Variants in ALCAM observed in about 807,000 individuals in gnomAD.
The protein encoded by ALCAM is CD166 antigen.
A neutral mutation model predicts 70.9 loss-of-function variants in ALCAM; 30 were observed. That is an observed-to-expected ratio of 0.42 (90% CI 0.32 to 0.57). The LOEUF (loss-of-function observed/expected upper bound fraction) is 0.57. Ranked by LOEUF, ALCAM falls within the 20% of genes least tolerant of loss-of-function variation. The probability of loss-of-function intolerance (pLI) is 0.11; values close to 1 mark genes in which losing one functional copy is unlikely to be tolerated. For missense variants in ALCAM, 591 were observed against 695.1 expected (o/e 0.85, Z 1.68); for synonymous variants, 249 against 242.5 (o/e 1.03, Z -0.25).
chr3:105,512,126 CT>C (rs1181040579), intron 1 of ALCAM, among the ~76,000 whole-genome samples: 4 of 151,992 alleles, frequency 2.6e-5, no homozygotes, highest in Admixed American at 1.3e-4. Flanking sequence ...GCATTAGAAA[CT>C]TTTGGTTTTG....
At chr3:105,525,467 C>CA (rs1275046361) in intron 3 of ALCAM, 9 of 526,582 alleles carry the variant, frequency 1.7e-5, no homozygotes, top group Non-Finnish European at 1.9e-5. Flanking sequence ...TTCAGAATGC[C>CA]AGTCTTTCAG....
At chr3:105,416,557 A>G (rs1376700137) in intron 1 of ALCAM, among the ~76,000 whole-genome samples, 1 of 152,002 alleles carries the variant, frequency 6.6e-6, no homozygotes. Flanking sequence ...ATTATTATTG[A>G]TAATAGTAAC....
At chr3:105,421,674 A>T (rs984721528) in intron 1 of ALCAM, among the ~76,000 whole-genome samples, 1 of 151,482 alleles carries the variant, frequency 6.6e-6, no homozygotes, top group Non-Finnish European at 1.5e-5. Flanking sequence ...TTCAAAGTGG[A>T]TCTCTCAAGA....
chr3:105,560,596 G>T (rs1228951754), intron 14 of ALCAM, among the ~76,000 whole-genome samples: 2 of 152,082 alleles, frequency 1.3e-5, no homozygotes, highest in Non-Finnish European at 1.5e-5. Flanking sequence ...TCTACTATAT[G>T]AAATCTTTGC....
intron 3 of ALCAM, among the ~76,000 whole-genome samples, chr3:105,529,884 A>G (rs1431769220): frequency 6.6e-6 from 1 of 152,122 alleles, no homozygotes; most frequent in Admixed American, 6.6e-5. Context: ...GAGTATGTGC[A>G]CAACAGTCTG....
rs142726628 is a variant in ALCAM, at chr3:105,498,727, C to A, written c.74-21340C>A. On this transcript the variant is annotated intron_variant, in intron 1 of 15. Transcript: ENST00000306107. ...CTAGTAAAACATTCCAATATAAAAACCTTCAGGGGCACATGGTGATCCATT... is the reference window on the plus strand; with the variant it reads ...CTAGTAAAACATTCCAATATAAAAAACTTCAGGGGCACATGGTGATCCATT... Among the ~76,000 whole-genome samples, 1,040 of 152,146 alleles carry A rather than the reference C, an allele frequency of 6.8e-3. 14 individuals carry two copies. Among genetic ancestry groups the A allele is most frequent in the African/African-American group, 0.022 (928 of 41,498 alleles).
chr3:105,502,230 A>G (rs1559813310), intron 1 of ALCAM, among the ~76,000 whole-genome samples: 1 of 152,202 alleles, frequency 6.6e-6, no homozygotes, highest in Non-Finnish European at 1.5e-5. Context: ...CAAGGTCACA[A>G]TGAGGTTAAG....
At chr3:105,523,145 A>T (rs1939594617) in intron 2 of ALCAM, among the ~76,000 whole-genome samples, 2 of 93,038 alleles carry the variant, frequency 2.1e-5, no homozygotes, top group South Asian at 6.6e-4. Context: ...GTCTCAAAAA[A>T]AAAAAAAAAA....
intron 1 of ALCAM, among the ~76,000 whole-genome samples, chr3:105,393,200 C>T (rs1935866378): frequency 6.6e-6 from 1 of 151,352 alleles, no homozygotes; most frequent in South Asian, 2.1e-4. Context: ...TTATATTAGT[C>T]TATGTTTAAG....
intron 1 of ALCAM, among the ~76,000 whole-genome samples, chr3:105,422,232 A>G (rs1219275925): frequency 1.3e-5 from 2 of 151,352 alleles, no homozygotes; most frequent in Non-Finnish European, 3.0e-5. Context: ...TCCTTTATCC[A>G]TTCATGGGTC....
chr3:105,418,481 A>G (rs1175254895), intron 1 of ALCAM, among the ~76,000 whole-genome samples: 1 of 151,780 alleles, frequency 6.6e-6, no homozygotes, highest in African/African-American at 2.4e-5. Context: ...ATCAGTTTTT[A>G]CTACCATGAG....
chr3:105,534,399 T>A (rs1939918010), intron 5 of ALCAM, among the ~76,000 whole-genome samples: 1 of 152,132 alleles, frequency 6.6e-6, no homozygotes, highest in Non-Finnish European at 1.5e-5. Flanking sequence ...TACAGAAGAA[T>A]CAAGAGCAGA....
At chr3:105,542,091 C>T (rs1940131117) in intron 8 of ALCAM, among the ~76,000 whole-genome samples, 1 of 151,794 alleles carries the variant, frequency 6.6e-6, no homozygotes, top group South Asian at 2.1e-4. Flanking sequence ...GAAAACATTT[C>T]CATGTTCTTG....
At chr3:105,514,674 G>T (rs1456815703) in intron 1 of ALCAM, among the ~76,000 whole-genome samples, 2 of 151,856 alleles carry the variant, frequency 1.3e-5, no homozygotes, top group Admixed American at 6.6e-5. Flanking sequence ...GGTACTACTA[G>T]TAGTTTATAA....
chr3:105,474,678 C>A (rs138559042), intron 1 of ALCAM, among the ~76,000 whole-genome samples: 2 of 150,996 alleles, frequency 1.3e-5, no homozygotes, highest in Non-Finnish European at 3.0e-5. Flanking sequence ...CTTTTTTTTA[C>A]GTATGAAAGT....
chr3:105,450,331 C>T (rs1026598581), intron 1 of ALCAM, among the ~76,000 whole-genome samples: 5 of 152,188 alleles, frequency 3.3e-5, no homozygotes, highest in Non-Finnish European at 7.3e-5. Context: ...TCCCTTTGCT[C>T]TCCAGAGCAG....
intron 1 of ALCAM, among the ~76,000 whole-genome samples, chr3:105,383,194 GC>G (rs1480807640): frequency 6.6e-6 from 1 of 151,652 alleles, no homozygotes; most frequent in African/African-American, 2.4e-5. Flanking sequence ...TCTCTAAGGT[GC>G]CTGTCCTCTG....
In ALCAM at chr3:105,373,226, G is replaced by A. The variant is rs1576116819; in HGVS notation, c.73+5745G>A. The stretch of plus-strand genomic sequence containing the variant: ...AAAATTACTACTTATAATGGATTAT[G>A]GGGTTACAGTAAACAGTGAAAACCA... On this transcript the variant is annotated intron_variant, in intron 1 of 15. Coordinates refer to ENST00000306107, the MANE Select transcript of ALCAM (RefSeq NM_001627.4). Among the ~76,000 whole-genome samples, 3 of 152,064 alleles carry A rather than the reference G, an allele frequency of 2.0e-5. No homozygotes were observed. The East Asian group carries it at 5.8e-4, about 29-fold the overall frequency.
At chr3:105,479,408 A>C (rs1181053114) in intron 1 of ALCAM, among the ~76,000 whole-genome samples, 1 of 152,194 alleles carries the variant, frequency 6.6e-6, no homozygotes, top group Admixed American at 6.5e-5. Context: ...GAGTTTAAGA[A>C]ACCTTCCTAA....
Sources: allele counts gnomAD v4.1 joint callset (sites outside exome capture counted in the v4.1 genomes callset), GRCh38; gene constraint gnomAD v4.1.1; transcripts MANE v1.5; gene names NCBI Gene and HGNC (gene_info 2026-07-23, HGNC 2026-07-21).